The following KLHL29 variants were observed in gnomAD, a reference collection of about 807,000 sequenced individuals.
KLHL29 encodes the protein kelch like family member 29.
KLHL29 carries 21 observed loss-of-function variants against 80.4 expected under a neutral mutation model. The ratio of observed to expected loss-of-function variants is 0.26; its 90% CI spans 0.19 to 0.38. The LOEUF is 0.38. Ranked by LOEUF, KLHL29 falls within the 10% of genes least tolerant of loss-of-function variation. The pLI is 1.00. For missense variants in KLHL29, 867 were observed against 1,223.9 expected (o/e 0.71, Z 4.35); for synonymous variants, 511 against 526.8 (o/e 0.97, Z 0.41).
chr2:23,425,365 G>C (rs1276511747), intron 1 of KLHL29, among the ~76,000 whole-genome samples: 1 of 152,060 alleles, frequency 6.6e-6, no homozygotes, highest in Middle Eastern at 3.2e-3. Context: ...AGAAGTGAGG[G>C]TGGGGAACAA....
At chr2:23,585,200 G>T (rs1262130395) in intron 3 of KLHL29, among the ~76,000 whole-genome samples, 4 of 152,200 alleles carry the variant, frequency 2.6e-5, no homozygotes, top group Admixed American at 6.5e-5. Flanking sequence ...AACCACACCT[G>T]TAAAGGTTAG....
chr2:23,474,086 A>G (rs557944378), intron 1 of KLHL29, among the ~76,000 whole-genome samples: 8 of 152,130 alleles, frequency 5.3e-5, no homozygotes, highest in African/African-American at 1.9e-4. Context: ...TGCATATACT[A>G]CCTTCCAAAA....
At chr2:23,507,759 T>C (rs1665646012) in intron 2 of KLHL29, among the ~76,000 whole-genome samples, 1 of 152,128 alleles carries the variant, frequency 6.6e-6, no homozygotes, top group Non-Finnish European at 1.5e-5. Context: ...GCTCTGCCTC[T>C]GTTGTTGCTC....
intron 2 of KLHL29, among the ~76,000 whole-genome samples, chr2:23,518,554 G>C (rs1425540572): frequency 6.6e-6 from 1 of 152,170 alleles, no homozygotes; most frequent in Non-Finnish European, 1.5e-5. Flanking sequence ...CCCTAGAAAA[G>C]AAACCCCAGC....
At chr2:23,499,706 C>T (rs2103453680) in intron 2 of KLHL29, among the ~76,000 whole-genome samples, 1 of 152,344 alleles carries the variant, frequency 6.6e-6, no homozygotes, top group South Asian at 2.1e-4. Context: ...GAAAGTAAAG[C>T]ATGACTTGGA....
intron 2 of KLHL29, among the ~76,000 whole-genome samples, chr2:23,541,611 G>T (rs541601828): frequency 1.3e-5 from 2 of 152,344 alleles, no homozygotes; most frequent in South Asian, 4.1e-4. Context: ...TAAGACAGGA[G>T]CTAACCAGCA....
rs148142394 is a variant in KLHL29, at chr2:23,572,399, TATA to T, written c.285+9924_285+9926del. Among the ~76,000 whole-genome samples the T allele has an allele frequency of 2.8e-4, 42 of 152,364 alleles. 1 individual carries two copies. In the East Asian group the frequency reaches 7.3e-3, roughly 27 times the overall value. Reference sequence around the variant, plus strand: ...TTTTTGCTATTGTTTCTCTTGTTCCTATAATAATTTTTGCTTACGTTCCTATTA... The same window carrying T: ...TTTTTGCTATTGTTTCTCTTGTTCCTATAATTTTTGCTTACGTTCCTATTA... On this transcript the variant is annotated intron_variant, in intron 3 of 13. Transcript: ENST00000486442.
At chr2:23,415,838 A>G (rs1324614203) in intron 1 of KLHL29, among the ~76,000 whole-genome samples, 3 of 152,004 alleles carry the variant, frequency 2.0e-5, no homozygotes, top group Admixed American at 1.3e-4. Flanking sequence ...AGCTGGGACC[A>G]CAGGTGTGCA....
At chr2:23,691,116 C>G (rs1438954775) in intron 6 of KLHL29, 1 of 154,736 alleles carries the variant, frequency 6.5e-6, no homozygotes, top group Non-Finnish European at 1.4e-5. Context: ...GCTTCCTTTT[C>G]ATGCCTAAAA....
chr2:23,445,589 A>C (rs1395111233), intron 1 of KLHL29, among the ~76,000 whole-genome samples: 1 of 152,220 alleles, frequency 6.6e-6, no homozygotes, highest in Non-Finnish European at 1.5e-5. Flanking sequence ...TCTCTAGTGC[A>C]TGTCATTTCG....
chr2:23,601,469 C>CA (rs1369786879), intron 3 of KLHL29, among the ~76,000 whole-genome samples: 1 of 152,154 alleles, frequency 6.6e-6, no homozygotes, highest in East Asian at 1.9e-4. Context: ...CATGTGTATT[C>CA]AAGCCTCCCC....
intron 2 of KLHL29, among the ~76,000 whole-genome samples, chr2:23,556,232 C>T (rs1289670255): frequency 6.6e-6 from 1 of 152,178 alleles, no homozygotes; most frequent in Non-Finnish European, 1.5e-5. Flanking sequence ...AGACTTGAAT[C>T]TGGGCTCAGA....
intron 2 of KLHL29, among the ~76,000 whole-genome samples, chr2:23,519,775 G>A (rs1666040908): frequency 6.6e-6 from 1 of 152,146 alleles, no homozygotes; most frequent in South Asian, 2.1e-4. Context: ...TGTCTGGAAA[G>A]GTGGGACAAC....
At chr2:23,668,969 C>T (rs894117948) in intron 5 of KLHL29, 1 of 152,424 alleles carries the variant, frequency 6.6e-6, no homozygotes, top group Non-Finnish European at 1.5e-5. Context: ...CGTTATTCAT[C>T]ACCGAGGCTG....
At chr2:23,540,632 C>T (rs149908432) in intron 2 of KLHL29, among the ~76,000 whole-genome samples, 65 of 152,334 alleles carry the variant, frequency 4.3e-4, no homozygotes, top group African/African-American at 1.5e-3. Context: ...TAGATGGGAA[C>T]CCAACTCAAA....
At chr2:23,388,134 A>G (rs541486857) in intron 1 of KLHL29, among the ~76,000 whole-genome samples, 1 of 152,216 alleles carries the variant, frequency 6.6e-6, no homozygotes, top group East Asian at 1.9e-4. Flanking sequence ...GTGGGGATCT[A>G]GTGTTGTGTC....
At chr2:23,636,622 A>T (rs1291478604) in intron 3 of KLHL29, among the ~76,000 whole-genome samples, 1 of 152,134 alleles carries the variant, frequency 6.6e-6, no homozygotes, top group Non-Finnish European at 1.5e-5. Context: ...CACAGCAGCC[A>T]CTTGAGGGCA....
intron 2 of KLHL29, among the ~76,000 whole-genome samples, chr2:23,490,532 G>A (rs1448741246): frequency 3.3e-5 from 5 of 152,184 alleles, no homozygotes; most frequent in Non-Finnish European, 4.4e-5. Context: ...AAGGTAATTA[G>A]GCTTTGTTTT....
intron 2 of KLHL29, among the ~76,000 whole-genome samples, chr2:23,556,291 C>T (rs899952270): frequency 2.0e-5 from 3 of 152,048 alleles, no homozygotes; most frequent in Non-Finnish European, 4.4e-5. Context: ...ACGAAGATGA[C>T]CCCCCTCGCG....
Sources: allele counts gnomAD v4.1 joint callset (sites outside exome capture counted in the v4.1 genomes callset), GRCh38; gene constraint gnomAD v4.1.1; transcripts MANE v1.5; gene names NCBI Gene and HGNC (gene_info 2026-07-23, HGNC 2026-07-21).